Variants in SLC24A2 observed in about 807,000 individuals in gnomAD.
The protein encoded by SLC24A2 is sodium/potassium/calcium exchanger 2.
In SLC24A2, 36 loss-of-function variants were observed where a neutral mutation model predicts 62.0. That is an observed-to-expected ratio of 0.58 (90% CI 0.44 to 0.77). The LOEUF (loss-of-function observed/expected upper bound fraction) is 0.77. Ranked by LOEUF, SLC24A2 falls within the 30% of genes least tolerant of loss-of-function variation. The pLI, the probability that SLC24A2 is intolerant of heterozygous loss-of-function variation, is 0.00. For missense variants in SLC24A2, 846 were observed against 817.9 expected (o/e 1.03, Z -0.42); for synonymous variants, 358 against 294.0 (o/e 1.22, Z -2.23).
At chr9:20,260,753 C>T in the SLC24A2 span, among the ~76,000 whole-genome samples, 6,765 of 151,748 alleles carry the variant, frequency 0.045, 407 homozygotes, top group African/African-American at 0.14. Context: ...CACCTATCAC[C>T]GGAAGAGTGT....
rs1832889470 is a variant in SLC24A2 at position 19,515,584 on chromosome 9, T to A, written c.*569A>T. The A allele has an allele frequency of 6.6e-6, 1 of 152,244 alleles. No individual in the cohort carries two copies. The highest frequency in any genetic ancestry group is 2.1e-4 in the South Asian group (1 of 4,814). The allele number at this position is 152,244 out of a possible 1,614,324, so 9.4% of individuals were successfully genotyped here. ...GTTCCATTAGTTCACCTCTTGTACT[T>A]AAGAGGTAAAGCCCAGACTGCAAGT... On this transcript the variant is annotated 3_prime_UTR_variant, in exon 11 of 11. Coordinates refer to ENST00000341998, the MANE Select transcript of SLC24A2 (RefSeq NM_020344.4).
intron 2 of SLC24A2, among the ~76,000 whole-genome samples, chr9:19,673,507 G>A (rs1428268061): frequency 2.0e-5 from 3 of 152,058 alleles, no homozygotes; most frequent in Admixed American, 1.3e-4. Context: ...GGAGTGCAGT[G>A]GCACGATATC....
the SLC24A2 span, among the ~76,000 whole-genome samples, chr9:19,936,768 T>G: frequency 6.6e-6 from 1 of 152,166 alleles, no homozygotes; most frequent in African/African-American, 2.4e-5. Context: ...CCTTTTCATA[T>G]TAAGGTGTCT....
rs760889415 is a variant in SLC24A2 at position 19,576,985 on chromosome 9, G to C, written c.1167C>G (p.Ile389Met). ...FREKASILHK[I>M]AKKKCHVDEN... ...CATCCACATGACATTTCTTCTTGGCGATCTTGTGGAGAATTGAAGCCTTTT... is the reference window on the plus strand; with the variant it reads ...CATCCACATGACATTTCTTCTTGGCCATCTTGTGGAGAATTGAAGCCTTTT... Residue 389 changes from isoleucine to methionine, a missense_variant, in exon 6 of 11, where the codon ATC becomes ATG. Coordinates refer to ENST00000341998, the MANE Select transcript of SLC24A2 (RefSeq NM_020344.4). 6.2e-7 allele frequency: 1 copy of C among 1,614,134 alleles called. No homozygotes were observed.
At chr9:19,700,286 A>T (rs1242322531) in intron 2 of SLC24A2, among the ~76,000 whole-genome samples, 1 of 152,050 alleles carries the variant, frequency 6.6e-6, no homozygotes, top group Non-Finnish European at 1.5e-5. Context: ...ATGTGAACTA[A>T]ACACCTTTTG....
intron 8 of SLC24A2, among the ~76,000 whole-genome samples, chr9:19,529,207 G>T (rs1249559484): frequency 1.3e-5 from 2 of 152,168 alleles, no homozygotes; most frequent in African/African-American, 4.8e-5. Context: ...TTTATCTAGA[G>T]AAATGAATTT....
chr9:19,983,468 C>A, the SLC24A2 span, among the ~76,000 whole-genome samples: 15 of 152,074 alleles, frequency 9.9e-5, no homozygotes, highest in African/African-American at 2.4e-5. Context: ...CATGGTGAAA[C>A]CCCGTCTCTA....
intron 8 of SLC24A2, among the ~76,000 whole-genome samples, chr9:19,543,315 C>A (rs1053519841): frequency 1.1e-4 from 16 of 151,556 alleles, no homozygotes; most frequent in Admixed American, 9.9e-4. Flanking sequence ...TGATTCTTCT[C>A]TCTTTTCTTT....
chr9:20,301,436 T>G, the SLC24A2 span, among the ~76,000 whole-genome samples: 1 of 152,188 alleles, frequency 6.6e-6, no homozygotes, highest in Non-Finnish European at 1.5e-5. Flanking sequence ...TTTGCTGCAT[T>G]TCTCCCCTTC....
chr9:20,060,478 T>A, the SLC24A2 span, among the ~76,000 whole-genome samples: 6 of 152,114 alleles, frequency 3.9e-5, no homozygotes, highest in Admixed American at 2.6e-4. Flanking sequence ...CCTAGGAATG[T>A]AAGATTGTCT....
chr9:19,819,853 G>A, the SLC24A2 span, among the ~76,000 whole-genome samples: 1 of 151,528 alleles, frequency 6.6e-6, no homozygotes, highest in Non-Finnish European at 1.5e-5. Flanking sequence ...CCCACTGCTG[G>A]ATATCTACCC....
chr9:19,881,442 T>C, the SLC24A2 span, among the ~76,000 whole-genome samples: 1 of 152,212 alleles, frequency 6.6e-6, no homozygotes, highest in Admixed American at 6.5e-5. Context: ...AGGGGACCTT[T>C]GCAAGAGCTA....
chr9:19,948,574 C>T, the SLC24A2 span, among the ~76,000 whole-genome samples: 4 of 152,114 alleles, frequency 2.6e-5, no homozygotes, highest in Admixed American at 6.5e-5. Context: ...ACAGAGCTAA[C>T]GGGCCGGGCG....
At chr9:20,019,742 G>C in the SLC24A2 span, among the ~76,000 whole-genome samples, 2 of 152,132 alleles carry the variant, frequency 1.3e-5, no homozygotes, top group Admixed American at 1.3e-4. Context: ...AAACTAAAGA[G>C]CTTCTGCACA....
At chr9:19,725,792 T>C (rs1481344380) in intron 2 of SLC24A2, among the ~76,000 whole-genome samples, 1 of 152,120 alleles carries the variant, frequency 6.6e-6, no homozygotes, top group South Asian at 2.1e-4. Flanking sequence ...ATGGAAGTAA[T>C]ATGGACCCAC....
the SLC24A2 span, among the ~76,000 whole-genome samples, chr9:20,008,710 C>T: frequency 6.6e-6 from 1 of 152,134 alleles, no homozygotes; most frequent in South Asian, 2.1e-4. Context: ...AGCCTCTAGA[C>T]TCTATATTCA....
chr9:19,635,111 G>T (rs1818278367), intron 2 of SLC24A2, among the ~76,000 whole-genome samples: 1 of 152,214 alleles, frequency 6.6e-6, no homozygotes, highest in Non-Finnish European at 1.5e-5. Context: ...CATTCACAGA[G>T]ATGGAAAAGA....
chr9:20,255,120 C>G, the SLC24A2 span, among the ~76,000 whole-genome samples: 1 of 152,186 alleles, frequency 6.6e-6, no homozygotes, highest in South Asian at 2.1e-4. Context: ...TTCTACCTCT[C>G]TGGAATGAAA....
At chr9:19,579,177 T>C (rs983642184) in intron 5 of SLC24A2, among the ~76,000 whole-genome samples, 4 of 151,826 alleles carry the variant, frequency 2.6e-5, no homozygotes, top group Non-Finnish European at 2.9e-5. Context: ...GGAAAAGAAA[T>C]CCTGGAGACT....
Sources: gnomAD v4.1 joint callset for allele counts (sites outside exome capture counted in the v4.1 genomes callset) on GRCh38, gnomAD v4.1.1 for gene constraint, MANE v1.5 for transcripts, NCBI Gene and HGNC (gene_info 2026-07-23, HGNC 2026-07-21) for gene names.